The following MAPRE2 variants were observed in gnomAD, a reference collection of about 807,000 sequenced individuals.
The protein encoded by MAPRE2 is microtubule-associated protein RP/EB family member 2.
MAPRE2 carries 13 observed loss-of-function variants against 43.2 expected under a neutral mutation model. The observed-to-expected ratio is 0.30, with a 90% confidence interval of 0.20 to 0.48. The LOEUF is 0.48. Among genes scored for constraint, MAPRE2 ranks in the 20% least tolerant of loss-of-function variants. The pLI is 0.99. For missense variants in MAPRE2, 161 were observed against 400.2 expected (o/e 0.40, Z 5.10); for synonymous variants, 135 against 148.8 (o/e 0.91, Z 0.68).
At chr18:35,053,966 AAG>A (rs1906086131) in intron 1 of MAPRE2, among the ~76,000 whole-genome samples, 1 of 152,180 alleles carries the variant, frequency 6.6e-6, no homozygotes, top group African/African-American at 2.4e-5. Flanking sequence ...AGTAAATGAA[AAG>A]AGGGAGGAAA....
chr18:35,143,085 AAAAAG>A lies in MAPRE2; in HGVS notation c.*2720_*2724del, dbSNP rs1290059424. Reference sequence around the variant, plus strand: ...CAGAAAAGCAGGAAAAAAAAAAAAAAAAAAGAAAGAAAAACACCTGTTGACCTGAG... The same window carrying A: ...CAGAAAAGCAGGAAAAAAAAAAAAAAAAAGAAAAACACCTGTTGACCTGAG... On this transcript the variant is annotated 3_prime_UTR_variant, in exon 7 of 7. Coordinates refer to ENST00000300249, the MANE Select transcript of MAPRE2 (RefSeq NM_014268.4). 4 of 151,548 alleles carry A rather than the reference AAAAAG, an allele frequency of 2.6e-5. No individual in the cohort carries two copies. Among genetic ancestry groups the A allele is most frequent in the East Asian group, 1.9e-4 (1 of 5,180 alleles). The allele number at this position is 151,548 out of a possible 1,614,324, so 9.4% of individuals were successfully genotyped here.
intron 2 of MAPRE2, among the ~76,000 whole-genome samples, chr18:35,027,135 G>A (rs1343619655): frequency 3.3e-5 from 5 of 152,128 alleles, no homozygotes; most frequent in Non-Finnish European, 7.3e-5. Context: ...GGTGTGTGTG[G>A]CAGGTTTTCC....
intron 1 of MAPRE2, among the ~76,000 whole-genome samples, chr18:34,990,410 G>A (rs1043191489): frequency 3.3e-5 from 5 of 152,176 alleles, no homozygotes; most frequent in African/African-American, 1.2e-4. Context: ...TCTGACAGGA[G>A]AGGGTAAGGA....
chr18:35,064,435 T>G (rs1906733319), intron 1 of MAPRE2, among the ~76,000 whole-genome samples: 1 of 152,086 alleles, frequency 6.6e-6, no homozygotes, highest in African/African-American at 2.4e-5. Context: ...TGATAGTGTG[T>G]TTGCAAGGGG....
chr18:35,011,973 C>T (rs2097034998), intron 2 of MAPRE2, among the ~76,000 whole-genome samples: 1 of 152,084 alleles, frequency 6.6e-6, no homozygotes, highest in Non-Finnish European at 1.5e-5. Context: ...GAGGAGAACA[C>T]ATTGATCTTT....
intron 4 of MAPRE2, among the ~76,000 whole-genome samples, chr18:35,116,930 T>C (rs1909437715): frequency 6.6e-6 from 1 of 152,072 alleles, no homozygotes; most frequent in Non-Finnish European, 1.5e-5. Context: ...CACTTTATAG[T>C]AGGGAGTCAT....
chr18:35,050,535 G>A (rs1258340211), intron 1 of MAPRE2, among the ~76,000 whole-genome samples: 5 of 152,188 alleles, frequency 3.3e-5, no homozygotes, highest in Non-Finnish European at 7.4e-5. Flanking sequence ...AGCCTGTTTA[G>A]TATGCTCTGT....
At chr18:34,986,496 G>C (rs1252248952) in intron 1 of MAPRE2, among the ~76,000 whole-genome samples, 1 of 152,166 alleles carries the variant, frequency 6.6e-6, no homozygotes, top group Non-Finnish European at 1.5e-5. Context: ...AGACGCTATT[G>C]ATATAAGTAA....
chr18:35,106,453 G>A (rs966979231), intron 4 of MAPRE2, among the ~76,000 whole-genome samples: 13 of 151,982 alleles, frequency 8.6e-5, no homozygotes, highest in African/African-American at 3.1e-4. Context: ...AGTGATCCTG[G>A]AGTAGATTGT....
At chr18:34,984,016 A>G (rs1603385859) in intron 1 of MAPRE2, among the ~76,000 whole-genome samples, 1 of 84,614 alleles carries the variant, frequency 1.2e-5, no homozygotes. Context: ...TACTAAAAGG[A>G]TATACACGGT....
At chr18:35,131,839 T>G (rs1910162345) in intron 5 of MAPRE2, 193 bp from the exon 6 acceptor site, 1 of 581,646 alleles carries the variant, frequency 1.7e-6, no homozygotes, top group Non-Finnish European at 3.1e-6. Flanking sequence ...ACCAGAGTGC[T>G]GTGGAGAATT....
At chr18:34,990,318 G>C (rs2097023128) in intron 1 of MAPRE2, among the ~76,000 whole-genome samples, 1 of 152,098 alleles carries the variant, frequency 6.6e-6, no homozygotes, top group Admixed American at 6.6e-5. Flanking sequence ...AATACCTCTG[G>C]GAGGGATGGC....
At chr18:35,031,392 A>G (rs919744595) in intron 2 of MAPRE2, among the ~76,000 whole-genome samples, 1 of 152,234 alleles carries the variant, frequency 6.6e-6, no homozygotes, top group Non-Finnish European at 1.5e-5. Flanking sequence ...TACACTTTTC[A>G]TTATAACTTT....
chr18:35,017,265 A>G (rs1348459804), intron 2 of MAPRE2, among the ~76,000 whole-genome samples: 1 of 105,494 alleles, frequency 9.5e-6, no homozygotes, highest in South Asian at 2.8e-4. Flanking sequence ...TTTTTTTTGC[A>G]TAGGATTGCT....
chr18:35,089,079 A>G (rs1908015835), intron 2 of MAPRE2, among the ~76,000 whole-genome samples: 1 of 152,246 alleles, frequency 6.6e-6, no homozygotes, highest in Non-Finnish European at 1.5e-5. Flanking sequence ...TAGGAATAAC[A>G]TATGCAGGAA....
chr18:35,110,751 A>AT (rs1443923345), intron 4 of MAPRE2, among the ~76,000 whole-genome samples: 1 of 151,706 alleles, frequency 6.6e-6, no homozygotes. Context: ...CTTTTGTTTT[A>AT]TTTTTTGCCT....
chr18:35,055,718 C>G (rs1055020880), intron 1 of MAPRE2, among the ~76,000 whole-genome samples: 1 of 151,972 alleles, frequency 6.6e-6, no homozygotes, highest in Non-Finnish European at 1.5e-5. Context: ...TTTGGGAGGC[C>G]GAGGTGGGCG....
chr18:35,010,083 C>T (rs2097033734), intron 2 of MAPRE2, among the ~76,000 whole-genome samples: 4 of 152,148 alleles, frequency 2.6e-5, no homozygotes, highest in Admixed American at 1.3e-4. Flanking sequence ...TTTTAATTTA[C>T]AATTTTTAAT....
upstream of MAPRE2, among the ~76,000 whole-genome samples, chr18:35,040,702 AT>A (rs1387994518): frequency 6.6e-6 from 1 of 152,234 alleles, no homozygotes; most frequent in Admixed American, 6.5e-5. Context: ...AGCATAAAGA[AT>A]TTGAATTGGA....
Sources: gnomAD v4.1 joint callset for allele counts (sites outside exome capture counted in the v4.1 genomes callset) on GRCh38, gnomAD v4.1.1 for gene constraint, MANE v1.5 for transcripts, NCBI Gene and HGNC (gene_info 2026-07-23, HGNC 2026-07-21) for gene names.